ABCD3: variants seen among roughly 807,000 people sequenced by gnomAD.
ABCD3 encodes ATP binding cassette subfamily D member 3.
Under a neutral mutation model 105.5 loss-of-function variants are expected in ABCD3, and 41 were observed. That is an observed-to-expected ratio of 0.39 (90% CI 0.30 to 0.50). The LOEUF (loss-of-function observed/expected upper bound fraction) is 0.50. Among genes scored for constraint, ABCD3 ranks in the 20% least tolerant of loss-of-function variants. The pLI is 0.84. For missense variants in ABCD3, 622 were observed against 806.3 expected (o/e 0.77, Z 2.77); for synonymous variants, 258 against 269.0 (o/e 0.96, Z 0.40).
chr1:94,473,063 GCTAGT>G (rs1454008312), intron 4 of ABCD3, among the ~76,000 whole-genome samples: 25 of 152,152 alleles, frequency 1.6e-4, no homozygotes, highest in Non-Finnish European at 1.2e-4. Context: ...CAAAAGAGAA[GCTAGT>G]CTAGCTGAAG....
chr1:94,486,034 A>G (rs1445826137), intron 10 of ABCD3, among the ~76,000 whole-genome samples: 1 of 152,044 alleles, frequency 6.6e-6, no homozygotes, highest in Non-Finnish European at 1.5e-5. Context: ...TCTACTAAAA[A>G]TACAAAAATT....
At chr1:94,433,798 C>G (rs1237906670) in intron 1 of ABCD3, among the ~76,000 whole-genome samples, 1 of 150,996 alleles carries the variant, frequency 6.6e-6, no homozygotes, top group African/African-American at 2.4e-5. Context: ...AGGTGTGGGC[C>G]ATCATGCCCT....
intron 2 of ABCD3, among the ~76,000 whole-genome samples, chr1:94,464,084 C>CT (rs1331262778): frequency 6.6e-6 from 1 of 151,964 alleles, no homozygotes; most frequent in East Asian, 1.9e-4. Context: ...GTGAACTGTT[C>CT]TTTTTTTTCC....
intron 21 of ABCD3, among the ~76,000 whole-genome samples, chr1:94,509,983 A>G (rs947279597): frequency 2.1e-4 from 32 of 151,700 alleles, no homozygotes; most frequent in African/African-American, 7.8e-4. Context: ...TTATGTCTCT[A>G]TTTCCTTCAG....
chr1:94,486,317 C>G (rs1649278637), intron 10 of ABCD3, among the ~76,000 whole-genome samples: 1 of 152,194 alleles, frequency 6.6e-6, no homozygotes, highest in African/African-American at 2.4e-5. Context: ...ATCCCATCCC[C>G]TTTGGATACC....
intron 4 of ABCD3, among the ~76,000 whole-genome samples, chr1:94,471,287 G>A (rs768774814): frequency 1.3e-5 from 2 of 152,012 alleles, no homozygotes; most frequent in African/African-American, 4.8e-5. Context: ...GCTGGGTGTG[G>A]TGGCTCATAC....
At chr1:94,511,438 T>G (rs1379500894) in intron 21 of ABCD3, among the ~76,000 whole-genome samples, 14 of 152,148 alleles carry the variant, frequency 9.2e-5, no homozygotes, top group Admixed American at 9.2e-4. Flanking sequence ...TTTCCTTCAT[T>G]TCAACTTTGG....
chr1:94,497,317 C>T (rs1169059885), intron 16 of ABCD3, among the ~76,000 whole-genome samples: 1 of 152,114 alleles, frequency 6.6e-6, no homozygotes, highest in Non-Finnish European at 1.5e-5. Context: ...ATATGGCCTA[C>T]TTGCCTAGAA....
At chr1:94,437,680 C>T (rs2100904830) in intron 1 of ABCD3, among the ~76,000 whole-genome samples, 1 of 152,276 alleles carries the variant, frequency 6.6e-6, no homozygotes, top group Middle Eastern at 3.4e-3. Flanking sequence ...CTTTCAAAGC[C>T]TATTATTTAA....
Position 94,491,191 on chromosome 1 carries a change from C to G in ABCD3, c.1330C>G (p.His444Asp). Reference protein sequence around the residue: ...IIADNIIKFDHVPLATPNGDV... With the variant: ...IIADNIIKFDDVPLATPNGDV... Reference sequence around the variant, plus strand: ...TAAAAATTTCCTCTATAGGTTTGATCATGTTCCTTTAGCAACGCCAAATGG... The same window carrying G: ...TAAAAATTTCCTCTATAGGTTTGATGATGTTCCTTTAGCAACGCCAAATGG... Residue 444 changes from histidine (H) to aspartate (D), a missense_variant, in exon 16 of 23, where the codon CAT becomes GAT. By Grantham distance (81) the His-to-Asp change is moderately conservative. Coordinates refer to ENST00000370214, the MANE Select transcript of ABCD3 (RefSeq NM_002858.4). 6.2e-7 allele frequency: 1 copy of G among 1,611,172 alleles called. No homozygotes were observed. The highest frequency in any genetic ancestry group is 8.5e-7 in the Non-Finnish European group (1 of 1,177,894).
chr1:94,478,164 A>C, intron 7 of ABCD3, 95 bp from the exon 8 acceptor site: 1 of 776,222 alleles, frequency 1.3e-6, no homozygotes, highest in Non-Finnish European at 2.2e-6. Flanking sequence ...ATTATATATT[A>C]AATGTTTAAT....
intron 1 of ABCD3, among the ~76,000 whole-genome samples, chr1:94,456,601 T>G (rs1000721133): frequency 3.3e-5 from 5 of 151,792 alleles, no homozygotes; most frequent in Admixed American, 1.3e-4. Context: ...TAAGCTGAAT[T>G]TATTCCATTG....
At chr1:94,414,955 G>A (rs1225916833), upstream of ABCD3, among the ~76,000 whole-genome samples, 2 of 152,162 alleles carry the variant, frequency 1.3e-5, no homozygotes, top group Non-Finnish European at 1.5e-5. Flanking sequence ...TGAGGTTGCA[G>A]TCACCTGAAG....
At chr1:94,507,223 G>A (rs2101056850) in intron 21 of ABCD3, among the ~76,000 whole-genome samples, 1 of 151,284 alleles carries the variant, frequency 6.6e-6, no homozygotes, top group Non-Finnish European at 1.5e-5. Flanking sequence ...TCCCACCTAT[G>A]AGTGAGAATA....
intron 1 of ABCD3, among the ~76,000 whole-genome samples, chr1:94,440,697 G>T (rs1660100761): frequency 6.6e-6 from 1 of 152,196 alleles, no homozygotes; most frequent in South Asian, 2.1e-4. Context: ...TTTTGTAGCT[G>T]TTGGTAGGTT....
At chr1:94,430,455 G>A (rs1428358156) in intron 1 of ABCD3, among the ~76,000 whole-genome samples, 3 of 152,198 alleles carry the variant, frequency 2.0e-5, no homozygotes, top group Non-Finnish European at 4.4e-5. Flanking sequence ...GGAGGGACAG[G>A]TGGGAGGTAA....
At chr1:94,453,460 A>G (rs1025863201) in intron 1 of ABCD3, among the ~76,000 whole-genome samples, 21 of 151,614 alleles carry the variant, frequency 1.4e-4, no homozygotes, top group South Asian at 1.2e-3. Flanking sequence ...CTGGGACTAC[A>G]GGTGCCCGCC....
intron 21 of ABCD3, among the ~76,000 whole-genome samples, chr1:94,508,677 G>A (rs1423845588): frequency 6.7e-6 from 1 of 150,004 alleles, no homozygotes; most frequent in Non-Finnish European, 1.5e-5. Flanking sequence ...TTGAGCAGTG[G>A]TTTGTAGTTC....
intron 22 of ABCD3, 68 bp downstream of exon 22, chr1:94,515,270 T>C: frequency 7.6e-7 from 1 of 1,307,524 alleles, no homozygotes; most frequent in Non-Finnish European, 1.1e-6. Context: ...TTCAGGTTAA[T>C]ATGGTTTTAG....
Sources: gnomAD v4.1 joint callset for allele counts (sites outside exome capture counted in the v4.1 genomes callset) on GRCh38, gnomAD v4.1.1 for gene constraint, MANE v1.5 for transcripts, NCBI Gene and HGNC (gene_info 2026-07-23, HGNC 2026-07-21) for gene names.